Variants in RFT1 observed in about 807,000 individuals in gnomAD.
RFT1 encodes man(5)GlcNAc(2)-PP-dolichol translocation protein RFT1.
In RFT1, 43 loss-of-function variants were observed where a neutral mutation model predicts 62.2. The ratio of observed to expected loss-of-function variants is 0.69; its 90% confidence interval spans 0.54 to 0.89. The LOEUF (loss-of-function observed/expected upper bound fraction) is 0.89, where lower values mean the gene tolerates loss of function less well. RFT1 is among the 40% of genes least tolerant of loss of function. The probability of loss-of-function intolerance (pLI) is 0.00; values close to 1 mark genes in which losing one functional copy is unlikely to be tolerated. For missense variants in RFT1, 605 were observed against 649.9 expected (o/e 0.93, Z 0.75); for synonymous variants, 262 against 264.6 (o/e 0.99, Z 0.10).
At chr3:53,082,046 TG>T in the RFT1 span, among the ~76,000 whole-genome samples, 2 of 152,136 alleles carry the variant, frequency 1.3e-5, no homozygotes, top group East Asian at 3.9e-4. Flanking sequence ...CGGGCTCCAG[TG>T]ATCTTCCCGC....
chr3:53,081,011 C>T, the RFT1 span, among the ~76,000 whole-genome samples: 403 of 152,310 alleles, frequency 2.6e-3, 2 homozygotes, highest in African/African-American at 8.7e-3. Context: ...CTGATGGGGA[C>T]AGAGCAGCCT....
chr3:53,097,926 A>C (rs2107088110), intron 11 of RFT1, among the ~76,000 whole-genome samples: 1 of 152,378 alleles, frequency 6.6e-6, no homozygotes, highest in East Asian at 1.9e-4. Flanking sequence ...GGTGAAAACC[A>C]CATCTAGACT....
intron 3 of RFT1, 93 bp downstream of exon 3, chr3:53,123,631 G>T: frequency 1.0e-6 from 1 of 963,022 alleles, no homozygotes; most frequent in Non-Finnish European, 1.7e-6. Flanking sequence ...GAATCTGGGG[G>T]CAATTCAGCT....
chr3:53,071,579 T>A, the RFT1 span, among the ~76,000 whole-genome samples: 1 of 152,186 alleles, frequency 6.6e-6, no homozygotes, highest in African/African-American at 2.4e-5. Context: ...ACACCAGCCC[T>A]TGACGGGCCC....
At chr3:53,074,332 C>T in the RFT1 span, among the ~76,000 whole-genome samples, 2 of 152,220 alleles carry the variant, frequency 1.3e-5, no homozygotes, top group South Asian at 4.1e-4. Flanking sequence ...CTGATTAATT[C>T]TTTATGTCAC....
chr3:53,084,543 A>G (rs1315809076), downstream of RFT1, among the ~76,000 whole-genome samples: 3 of 152,218 alleles, frequency 2.0e-5, no homozygotes, highest in African/African-American at 7.2e-5. Flanking sequence ...CAATGTGACT[A>G]ATGCAGCCGT....
chr3:53,108,683 T>G (rs1446728141), intron 7 of RFT1, among the ~76,000 whole-genome samples: 3 of 146,662 alleles, frequency 2.0e-5, no homozygotes, highest in Non-Finnish European at 4.5e-5. Context: ...ACACCCAGCT[T>G]GCTTTCATAT....
At chr3:53,109,368 C>T (rs1221519433) in intron 7 of RFT1, among the ~76,000 whole-genome samples, 2 of 152,216 alleles carry the variant, frequency 1.3e-5, no homozygotes, top group Admixed American at 6.5e-5. Flanking sequence ...TAACAGTTAA[C>T]CACATAAATG....
the RFT1 span, among the ~76,000 whole-genome samples, chr3:53,068,492 C>T: frequency 1.3e-5 from 2 of 152,212 alleles, no homozygotes; most frequent in African/African-American, 4.8e-5. Flanking sequence ...CACCACAACC[C>T]TGCAAGGTAG....
At chr3:53,111,728 C>G (rs1701653723) in intron 7 of RFT1, 102 bp downstream of exon 7, 1 of 959,288 alleles carries the variant, frequency 1.0e-6, no homozygotes, top group Non-Finnish European at 1.7e-6. Flanking sequence ...TTCTTCTGCC[C>G]CAGAGGCTCT....
At chr3:53,084,377 C>T (rs1186852568), downstream of RFT1, among the ~76,000 whole-genome samples, 1 of 152,238 alleles carries the variant, frequency 6.6e-6, no homozygotes, top group Non-Finnish European at 1.5e-5. Flanking sequence ...AAAACTGGCG[C>T]TGCCCGCAGA....
At position 53,099,442 on chromosome 3, in the gene RFT1, C is replaced by G; in HGVS notation, c.1147G>C (p.Ala383Pro). ...RSYCLYVLLL[A>P]INGVTECFTF... ...AAACACTCTGTCACTCCATTGATGG[C>G]AAGCAGGAGAACATAGAGACAGTAG... is the stretch of plus-strand genomic sequence containing the variant. The change falls in exon 11 of 13, where the codon GCC becomes CCC. Residue 383 changes from alanine to proline, a missense_variant. Coordinates refer to ENST00000296292, the MANE Select transcript of RFT1 (RefSeq NM_052859.4). 1 of 1,614,110 alleles carries G rather than the reference C, an allele frequency of 6.2e-7. No individual in the cohort carries two copies. The highest frequency in any genetic ancestry group is 8.5e-7 in the Non-Finnish European group (1 of 1,179,986).
chr3:53,092,239 T>A (rs1176946644), intron 12 of RFT1, 130 bp downstream of exon 12: 1 of 1,434,266 alleles, frequency 7.0e-7, no homozygotes, highest in African/African-American at 1.4e-5. Context: ...TGTCACATTA[T>A]CAGAAGATGC....
the RFT1 span, among the ~76,000 whole-genome samples, chr3:53,080,546 G>A: frequency 4.6e-5 from 7 of 152,222 alleles, no homozygotes; most frequent in Admixed American, 4.6e-4. Flanking sequence ...TGTGGACTGG[G>A]GTTAGGTGGG....
At chr3:53,105,104 G>A (rs1313417759) in intron 9 of RFT1, among the ~76,000 whole-genome samples, 1 of 152,230 alleles carries the variant, frequency 6.6e-6, no homozygotes, top group Non-Finnish European at 1.5e-5. Context: ...AGAGTCCTGA[G>A]AGGGCTGGAT....
chr3:53,098,801 C>CAAAAAAAAA lies in RFT1; in HGVS notation c.1208+571_1208+579dup, dbSNP rs35371104. ...TGGGCGACAGAGCGAGACTCCATCT[C>CAAAAAAAAA]AAAAAAAAAAAAAAAAAAAAAAAAA... On this transcript the variant is annotated intron_variant, in intron 11 of 12. Coordinates refer to ENST00000296292, the MANE Select transcript of RFT1 (RefSeq NM_052859.4). 1.6e-4 allele frequency among the ~76,000 whole-genome samples: 9 copies of CAAAAAAAAA among 57,624 alleles called. 1 individual carries two copies. The highest frequency in any genetic ancestry group is 1.7e-4 in the Non-Finnish European group (6 of 35,308). The allele number at this position is 57,624 out of a possible 152,430, so 37.8% of individuals were successfully genotyped here. A position where few individuals can be genotyped will look rare whatever the true frequency, so the allele number is the denominator to read the frequency against.
chr3:53,103,336 C>T, intron 10 of RFT1: 1 of 946,506 alleles, frequency 1.1e-6, no homozygotes, highest in Non-Finnish European at 1.3e-6. Context: ...GCTTACAGCC[C>T]AGCACATTTT....
the RFT1 span, among the ~76,000 whole-genome samples, chr3:53,075,467 G>A: frequency 2.0e-5 from 3 of 152,204 alleles, no homozygotes; most frequent in Non-Finnish European, 4.4e-5. Flanking sequence ...CTGGCATGCA[G>A]GAACACATGG....
intron 6 of RFT1, among the ~76,000 whole-genome samples, chr3:53,116,605 TTC>T (rs1701811522): frequency 6.6e-6 from 1 of 151,054 alleles, no homozygotes; most frequent in South Asian, 2.1e-4. Context: ...CTTTTTTTCT[TTC>T]TCTTTTTTTT....
Sources: gnomAD v4.1 joint callset for allele counts (sites outside exome capture counted in the v4.1 genomes callset) on GRCh38, gnomAD v4.1.1 for gene constraint, MANE v1.5 for transcripts, NCBI Gene and HGNC (gene_info 2026-07-23, HGNC 2026-07-21) for gene names.